The following SAP130 variants were observed in gnomAD, a reference collection of about 807,000 sequenced individuals.
SAP130 encodes the protein Sin3A associated protein 130.
SAP130 carries 16 observed loss-of-function variants against 103.2 expected under a neutral mutation model. That is an observed-to-expected ratio of 0.16 (90% CI 0.10 to 0.24). The LOEUF (loss-of-function observed/expected upper bound fraction) is 0.24. SAP130 is among the 10% of genes least tolerant of loss of function. SAP130 has a pLI of 1.00. For missense variants in SAP130, 990 were observed against 1,359.7 expected, an observed-to-expected ratio of 0.73 and a Z score of 4.28; for synonymous variants, 477 against 497.0, an observed-to-expected ratio of 0.96 and a Z score of 0.53.
intron 1 of SAP130, chr2:128,027,113 C>A (rs967354935): frequency 3.5e-6 from 5 of 1,408,648 alleles, no homozygotes; most frequent in Non-Finnish European, 4.7e-6. Flanking sequence ...GCCCGCCGCC[C>A]GCACCGCCCG....
At chr2:128,020,332 C>T (rs187251518) in intron 2 of SAP130, among the ~76,000 whole-genome samples, 9 of 152,292 alleles carry the variant, frequency 5.9e-5, no homozygotes, top group East Asian at 3.9e-4. Context: ...CACTATCCTC[C>T]GAAGGAAATC....
At chr2:127,959,770 A>G (rs1448948963) in intron 15 of SAP130, among the ~76,000 whole-genome samples, 2 of 152,252 alleles carry the variant, frequency 1.3e-5, no homozygotes, top group East Asian at 3.8e-4. Context: ...ATATGTGTTA[A>G]TATGCAATTA....
intron 6 of SAP130, among the ~76,000 whole-genome samples, chr2:128,011,591 A>G (rs1052747967): frequency 2.6e-5 from 4 of 152,206 alleles, no homozygotes; most frequent in Admixed American, 1.3e-4. Context: ...CCAACCCTTC[A>G]TATGTATCAC....
intron 12 of SAP130, 52 bp downstream of exon 12, chr2:127,993,135 T>C (rs372368871): frequency 1.1e-5 from 18 of 1,601,778 alleles, no homozygotes; most frequent in Admixed American, 1.7e-5. Flanking sequence ...TTCTACATTA[T>C]TGTTGGCAAA....
chr2:127,965,414 C>T (rs571060198), intron 15 of SAP130, among the ~76,000 whole-genome samples: 1 of 152,120 alleles, frequency 6.6e-6, no homozygotes, highest in African/African-American at 2.4e-5. Flanking sequence ...TGCAGTGAGC[C>T]AAGCCAGGAT....
At position 127,986,386 on chromosome 2, in the gene SAP130, G is replaced by C. The variant is rs961071450; in HGVS notation, c.1958+399C>G. The stretch of plus-strand genomic sequence containing the variant: ...CCCACTGTTGCACGCCCTGCGAGGG[G>C]GACAAGGGAACTTTTCCCGTTTCAA... On this transcript the variant is annotated intron_variant, in intron 14 of 20. Transcript: ENST00000643581. The surrounding 1 kb of genome is among the most constrained non-coding windows in gnomAD (Gnocchi z 4.7). Among the ~76,000 whole-genome samples the C allele has an allele frequency of 6.6e-6, 1 of 152,148 alleles. No homozygotes were observed. The highest frequency in any genetic ancestry group is 2.4e-5 in the African/African-American group (1 of 41,436).
intron 15 of SAP130, among the ~76,000 whole-genome samples, chr2:127,960,200 C>A (rs894407353): frequency 5.3e-5 from 8 of 152,032 alleles, no homozygotes; most frequent in African/African-American, 1.7e-4. Flanking sequence ...GCATTCTGTC[C>A]CTACTACTGA....
At chr2:127,980,149 G>T (rs193214916) in intron 14 of SAP130, among the ~76,000 whole-genome samples, 2 of 152,108 alleles carry the variant, frequency 1.3e-5, no homozygotes, top group East Asian at 3.9e-4. Flanking sequence ...AAAGTGCTGG[G>T]ATTACAGGCT....
At chr2:128,026,529 A>T (rs994256857) in intron 1 of SAP130, among the ~76,000 whole-genome samples, 3 of 152,224 alleles carry the variant, frequency 2.0e-5, no homozygotes. Context: ...GACCCTCCAT[A>T]AATACTTGTG....
chr2:127,998,462 T>G (rs1683323383), intron 10 of SAP130, among the ~76,000 whole-genome samples: 1 of 152,232 alleles, frequency 6.6e-6, no homozygotes, highest in South Asian at 2.1e-4. Flanking sequence ...ACTTAGGTGA[T>G]TTTAATATGT....
rs750494770 is a variant in SAP130, at chr2:127,948,915, T to C, written c.2797+954A>G. Among the ~76,000 whole-genome samples the C allele has an allele frequency of 4.0e-4, 61 of 152,196 alleles. 1 individual carries two copies. Among genetic ancestry groups the C allele is most frequent in the Non-Finnish European group, 7.3e-5 (5 of 68,036 alleles). On this transcript the variant is annotated intron_variant, in intron 18 of 20. Coordinates refer to ENST00000643581, the MANE Select transcript of SAP130 (RefSeq NM_001330301.2). ...ACCAGGCAAATTCCTAAATATTTTT[T>C]CTATGGAATTCTTGTGGCATGAAGA...
intron 1 of SAP130, 142 bp from the exon 2 acceptor site, chr2:128,026,440 G>C: frequency 1.6e-6 from 1 of 608,772 alleles, no homozygotes; most frequent in Non-Finnish European, 3.0e-6. Flanking sequence ...AATAACTTGG[G>C]ATCAATATAA....
rs199999073 is a variant in SAP130, at chr2:127,955,216, G to A, written c.2192C>T (p.Pro731Leu). ...TGCTGCAATCATAGTTGGAATGGTC[G>A]GTGGGGGCTGCTGGGCAGTTGGAGG... ...AVPPTAQQPP[P>L]TIPTMIAAAS... The change falls in exon 16 of 21, where the codon CCG (proline) becomes CTG (leucine). Residue 731 changes from proline to leucine, a missense_variant. Pro to Leu is a moderately conservative substitution (Grantham distance 98). Transcript: ENST00000643581. The surrounding 1 kb of genome is among the most constrained non-coding windows in gnomAD (Gnocchi z 4.9). 11 of 1,613,980 alleles carry A rather than the reference G, an allele frequency of 6.8e-6. No individual in the cohort carries two copies. In the African/African-American group the frequency reaches 8.0e-5, roughly 12 times the overall value.
At chr2:127,981,355 CCTCG>C (rs1681879314) in intron 14 of SAP130, among the ~76,000 whole-genome samples, 1 of 119,388 alleles carries the variant, frequency 8.4e-6, no homozygotes, top group Non-Finnish European at 1.8e-5. Flanking sequence ...CCTCCTGTAC[CCTCG>C]ACTCAGCTCC....
intron 15 of SAP130, among the ~76,000 whole-genome samples, chr2:127,966,215 C>T (rs1348362298): frequency 4.0e-5 from 6 of 151,738 alleles, no homozygotes; most frequent in African/African-American, 1.2e-4. Flanking sequence ...TGGTGGCGTG[C>T]GCCTGTAATC....
intron 10 of SAP130, 125 bp downstream of exon 10, chr2:127,999,616 G>GAAA: frequency 9.6e-5 from 36 of 374,296 alleles, no homozygotes; most frequent in South Asian, 2.2e-4. Context: ...AAAAAGAAAA[G>GAAA]AAAAAAAAAA....
At chr2:128,004,477 G>T (rs537292726) in intron 7 of SAP130, among the ~76,000 whole-genome samples, 2 of 145,756 alleles carry the variant, frequency 1.4e-5, no homozygotes, top group African/African-American at 5.1e-5. Context: ...CAAAGTGTAC[G>T]ATTACAGACA....
chr2:128,004,476 C>T (rs1683819806), intron 7 of SAP130, among the ~76,000 whole-genome samples: 1 of 146,382 alleles, frequency 6.8e-6, no homozygotes, highest in South Asian at 2.2e-4. Flanking sequence ...CCAAAGTGTA[C>T]GATTACAGAC....
intron 15 of SAP130, among the ~76,000 whole-genome samples, chr2:127,965,499 C>T (rs866616977): frequency 2.0e-5 from 3 of 150,884 alleles, no homozygotes; most frequent in East Asian, 4.0e-4. Context: ...GGGTGGAGGG[C>T]GGGGCAGGGA....
Sources: allele counts gnomAD v4.1 joint callset (sites outside exome capture counted in the v4.1 genomes callset), GRCh38; gene constraint gnomAD v4.1.1; non-coding constraint Gnocchi (gnomAD v3.1); transcripts MANE v1.5; gene names NCBI Gene and HGNC (gene_info 2026-07-23, HGNC 2026-07-21).